Variants in RGS8 observed in about 807,000 individuals in gnomAD.
RGS8 encodes regulator of G-protein signaling 8.
A neutral mutation model predicts 21.7 loss-of-function variants in RGS8; 8 were observed. The observed-to-expected ratio is 0.37, with a 90% confidence interval of 0.22 to 0.66. The LOEUF (loss-of-function observed/expected upper bound fraction) is 0.66. Ranked by LOEUF, RGS8 falls within the 30% of genes least tolerant of loss-of-function variation. The pLI is 0.59. For missense variants in RGS8, 157 were observed against 217.9 expected, an observed-to-expected ratio of 0.72 and a Z score of 1.76; for synonymous variants, 80 against 83.6, an observed-to-expected ratio of 0.96 and a Z score of 0.24.
the RGS8 span, among the ~76,000 whole-genome samples, chr1:182,747,676 A>G: frequency 6.6e-6 from 1 of 152,158 alleles, no homozygotes; most frequent in Non-Finnish European, 1.5e-5. Context: ...TTCCCTTCCA[A>G]TAGGCAACAC....
the RGS8 span, among the ~76,000 whole-genome samples, chr1:182,743,992 G>A: frequency 2.6e-5 from 4 of 152,100 alleles, no homozygotes; most frequent in African/African-American, 9.7e-5. Context: ...TCACATGTTT[G>A]TTATCTGACT....
chr1:182,667,375 G>A (rs1663924305), intron 3 of RGS8, among the ~76,000 whole-genome samples: 1 of 152,220 alleles, frequency 6.6e-6, no homozygotes, highest in Admixed American at 6.5e-5. Flanking sequence ...CAAAGACCCA[G>A]AAGGGGTACC....
chr1:182,717,253 T>C, the RGS8 span, among the ~76,000 whole-genome samples: 1 of 152,278 alleles, frequency 6.6e-6, no homozygotes, highest in East Asian at 1.9e-4. Context: ...TATAAGAAAG[T>C]GAAAACCATC....
At chr1:182,703,641 T>C in the RGS8 span, among the ~76,000 whole-genome samples, 4 of 152,182 alleles carry the variant, frequency 2.6e-5, no homozygotes, top group Non-Finnish European at 4.4e-5. Context: ...TCTGTAAAAA[T>C]TGGGCCAGCA....
upstream of RGS8, among the ~76,000 whole-genome samples, chr1:182,685,902 GGA>G (rs1361911013): frequency 6.6e-6 from 1 of 152,174 alleles, no homozygotes; most frequent in Non-Finnish European, 1.5e-5. Flanking sequence ...ACCCAGTGGA[GGA>G]GAGAGAGATT....
the RGS8 span, among the ~76,000 whole-genome samples, chr1:182,722,425 A>G: frequency 2.7e-5 from 4 of 150,858 alleles, no homozygotes; most frequent in East Asian, 7.8e-4. Context: ...ATTATCTCTC[A>G]ATTCTGGAGA....
At chr1:182,671,350 C>T (rs1177695891) in intron 2 of RGS8, among the ~76,000 whole-genome samples, 2 of 152,184 alleles carry the variant, frequency 1.3e-5, no homozygotes, top group African/African-American at 4.8e-5. Context: ...TAGGAGTTAC[C>T]CAAAGCCCAG....
the RGS8 span, among the ~76,000 whole-genome samples, chr1:182,694,545 G>A: frequency 6.6e-6 from 1 of 152,188 alleles, no homozygotes; most frequent in Non-Finnish European, 1.5e-5. Context: ...AGTGGCTTAC[G>A]CCCGTAATCC....
intron 5 of RGS8, among the ~76,000 whole-genome samples, chr1:182,655,031 T>C (rs145452164): frequency 5.3e-5 from 8 of 152,200 alleles, no homozygotes; most frequent in African/African-American, 1.7e-4. Flanking sequence ...CCGCACCTAG[T>C]GGTTTATGAA....
chr1:182,694,387 C>T, the RGS8 span, among the ~76,000 whole-genome samples: 1 of 152,140 alleles, frequency 6.6e-6, no homozygotes, highest in Non-Finnish European at 1.5e-5. Context: ...TCACAGTGTC[C>T]ACTGTGGCCT....
At chr1:182,688,720 T>C (rs1489391529), upstream of RGS8, among the ~76,000 whole-genome samples, 2 of 152,120 alleles carry the variant, frequency 1.3e-5, no homozygotes, top group African/African-American at 2.4e-5. Context: ...ACTCAACCCA[T>C]GTTTGCTAGC....
the RGS8 span, among the ~76,000 whole-genome samples, chr1:182,740,622 C>T: frequency 4.7e-5 from 6 of 127,962 alleles, no homozygotes; most frequent in Non-Finnish European, 7.9e-5. Flanking sequence ...GGCAGAGTCA[C>T]AGGACAATAG....
the RGS8 span, chr1:182,734,819 A>T: frequency 6.6e-6 from 1 of 152,228 alleles, no homozygotes; most frequent in African/African-American, 2.4e-5. Context: ...AATTACTGCA[A>T]GTTGAACTCA....
upstream of RGS8, chr1:182,672,114 C>CG (rs1161849908): frequency 4.8e-5 from 11 of 230,628 alleles, no homozygotes; most frequent in Non-Finnish European, 5.1e-5. Flanking sequence ...AGAGGCTGTG[C>CG]GGGGGGCAGC....
the RGS8 span, among the ~76,000 whole-genome samples, chr1:182,728,083 A>ATATT: frequency 0.041 from 6,171 of 152,294 alleles, 137 homozygotes; most frequent in Middle Eastern, 0.058. Context: ...TGTTACACTG[A>ATATT]TATTTGGTGG....
At chr1:182,739,416 G>C in the RGS8 span, among the ~76,000 whole-genome samples, 1 of 152,168 alleles carries the variant, frequency 6.6e-6, no homozygotes, top group Non-Finnish European at 1.5e-5. Flanking sequence ...CTTGAGTACT[G>C]ACGTGGGGGA....
At chr1:182,649,927 G>T (rs1176314997) in intron 5 of RGS8, among the ~76,000 whole-genome samples, 9 of 145,106 alleles carry the variant, frequency 6.2e-5, no homozygotes, top group African/African-American at 2.3e-4. Flanking sequence ...TTTTTTGGGT[G>T]GGGGGCATGG....
chr1:182,751,060 T>C, the RGS8 span, among the ~76,000 whole-genome samples: 1 of 152,206 alleles, frequency 6.6e-6, no homozygotes, highest in Non-Finnish European at 1.5e-5. Context: ...GGGAATGTCA[T>C]GAAAATGAAA....
At chr1:182,702,408 G>T in the RGS8 span, among the ~76,000 whole-genome samples, 1 of 152,096 alleles carries the variant, frequency 6.6e-6, no homozygotes, top group Non-Finnish European at 1.5e-5. Flanking sequence ...GGGGGGCAAC[G>T]GTTGAAAAAC....
Sources: gnomAD v4.1 joint callset for allele counts (sites outside exome capture counted in the v4.1 genomes callset) on GRCh38, gnomAD v4.1.1 for gene constraint, MANE v1.5 for transcripts, NCBI Gene and HGNC (gene_info 2026-07-23, HGNC 2026-07-21) for gene names.